The following JAM3 variants were observed in gnomAD, a reference collection of about 807,000 sequenced individuals.
JAM3 encodes the protein junctional adhesion molecule C.
Under a neutral mutation model 39.4 loss-of-function variants are expected in JAM3, and 31 were observed. The ratio of observed to expected loss-of-function variants is 0.79; its 90% CI spans 0.59 to 1.06. The LOEUF is 1.06. Among genes scored for constraint, JAM3 ranks in the 50% least tolerant of loss-of-function variants. The pLI is 0.00. For missense variants in JAM3, 455 were observed against 391.4 expected (o/e 1.16, Z -1.37); for synonymous variants, 182 against 148.7 (o/e 1.22, Z -1.63).
At chr11:134,116,687 A>T (rs1407191643) in intron 1 of JAM3, among the ~76,000 whole-genome samples, 3 of 151,110 alleles carry the variant, frequency 2.0e-5, no homozygotes, top group Non-Finnish European at 4.4e-5. Context: ...TATATGGGAA[A>T]CTAGACCTGG....
chr11:134,089,808 CT>C (rs1419625802), intron 1 of JAM3, among the ~76,000 whole-genome samples: 1 of 152,120 alleles, frequency 6.6e-6, no homozygotes, highest in Admixed American at 6.5e-5. Context: ...ATTTATAATC[CT>C]TTGGGTATAT....
chr11:134,146,394 C>T (rs1171685047), intron 6 of JAM3, among the ~76,000 whole-genome samples: 1 of 126,384 alleles, frequency 7.9e-6, no homozygotes, highest in Non-Finnish European at 1.6e-5. Context: ...AGTTATAACC[C>T]TCTTGTAGAA....
chr11:134,127,694 G>A (rs1042381757), intron 1 of JAM3, among the ~76,000 whole-genome samples: 3 of 152,122 alleles, frequency 2.0e-5, no homozygotes, highest in Non-Finnish European at 4.4e-5. Context: ...AGTGAGACTC[G>A]ATTTCAAAAC....
At chr11:134,086,320 CTTAG>C (rs1216638510) in intron 1 of JAM3, among the ~76,000 whole-genome samples, 6 of 152,146 alleles carry the variant, frequency 3.9e-5, no homozygotes, top group Admixed American at 2.0e-4. Flanking sequence ...CCCTTTATGG[CTTAG>C]TTAGATGAGA....
intron 1 of JAM3, among the ~76,000 whole-genome samples, chr11:134,097,124 C>T (rs1181707788): frequency 6.6e-6 from 1 of 152,104 alleles, no homozygotes; most frequent in Non-Finnish European, 1.5e-5. Flanking sequence ...ACCCCATCCC[C>T]CGCATCCCAT....
intron 1 of JAM3, among the ~76,000 whole-genome samples, chr11:134,095,849 A>G (rs1283861359): frequency 1.3e-5 from 2 of 152,220 alleles, no homozygotes; most frequent in Admixed American, 1.3e-4. Flanking sequence ...AAATGTTGTC[A>G]TCTAAGATTC....
chr11:134,117,606 T>G (rs1393619093), intron 1 of JAM3, among the ~76,000 whole-genome samples: 2 of 152,222 alleles, frequency 1.3e-5, no homozygotes, highest in South Asian at 2.1e-4. Flanking sequence ...AGCATATTTA[T>G]TTTTCCTTTA....
At chr11:134,140,400 G>A (rs564973169) in intron 2 of JAM3, among the ~76,000 whole-genome samples, 4 of 152,238 alleles carry the variant, frequency 2.6e-5, no homozygotes, top group Admixed American at 2.6e-4. Flanking sequence ...GTGAGCCACC[G>A]CGCCTGGCCA....
At chr11:134,107,828 A>G (rs568575252) in intron 1 of JAM3, among the ~76,000 whole-genome samples, 1 of 152,158 alleles carries the variant, frequency 6.6e-6, no homozygotes, top group South Asian at 2.1e-4. Context: ...ACGCCACGGC[A>G]CTCTGGCTAA....
At chr11:134,130,238 C>A (rs888181275) in intron 1 of JAM3, among the ~76,000 whole-genome samples, 2 of 152,152 alleles carry the variant, frequency 1.3e-5, no homozygotes, top group East Asian at 3.9e-4. Flanking sequence ...AATGAGAGCT[C>A]CGTTATCAAA....
intron 4 of JAM3, 34 bp downstream of exon 4, chr11:134,144,427 C>T (rs576404765): frequency 2.5e-6 from 4 of 1,611,548 alleles, no homozygotes; most frequent in African/African-American, 2.7e-5. Context: ...ACATTGCCAC[C>T]ATAGGATGCA....
chr11:134,119,837 C>A (rs1942500966), intron 1 of JAM3, among the ~76,000 whole-genome samples: 1 of 152,180 alleles, frequency 6.6e-6, no homozygotes, highest in Non-Finnish European at 1.5e-5. Context: ...TTCCATGATA[C>A]TTGGTTGGGT....
chr11:134,080,566 C>T (rs1463395751), intron 1 of JAM3, among the ~76,000 whole-genome samples: 1 of 152,216 alleles, frequency 6.6e-6, no homozygotes. Flanking sequence ...CACAAGCTCT[C>T]TTCTCTTGTC....
At chr11:134,114,036 GTTT>G (rs1555116352) in intron 1 of JAM3, among the ~76,000 whole-genome samples, 21 of 150,350 alleles carry the variant, frequency 1.4e-4, no homozygotes, top group African/African-American at 2.7e-4. Context: ...TTGTTGATGG[GTTT>G]GTTTGTTTTT....
chr11:134,142,867 G>C (rs978979685), intron 3 of JAM3, among the ~76,000 whole-genome samples: 1 of 152,116 alleles, frequency 6.6e-6, no homozygotes, highest in Non-Finnish European at 1.5e-5. Context: ...GTCTTCCATG[G>C]CTGACGTCTT....
intron 6 of JAM3, 162 bp from the exon 7 acceptor site, chr11:134,148,385 G>A: frequency 2.6e-6 from 2 of 777,500 alleles, no homozygotes; most frequent in Non-Finnish European, 4.4e-6. Context: ...ATATGTTCTA[G>A]GCTAGAAGGA....
intron 3 of JAM3, 76 bp from the exon 4 acceptor site, chr11:134,144,165 G>A: frequency 6.8e-7 from 1 of 1,471,858 alleles, no homozygotes; most frequent in East Asian, 2.3e-5. Context: ...TCTAGTGCTA[G>A]CCCCAGAAAC....
chr11:134,081,028 TG>T (rs543174525), intron 1 of JAM3, among the ~76,000 whole-genome samples: 203 of 152,358 alleles, frequency 1.3e-3, no homozygotes, highest in African/African-American at 4.7e-3. Flanking sequence ...GGTGGCATTT[TG>T]CCCCTGCCCT....
chr11:134,106,218 A>G (rs1942182620), intron 1 of JAM3, among the ~76,000 whole-genome samples: 1 of 152,142 alleles, frequency 6.6e-6, no homozygotes, highest in Non-Finnish European at 1.5e-5. Context: ...CTGATCTTTG[A>G]CAAACCTGAC....
Sources: gnomAD v4.1 joint callset for allele counts (sites outside exome capture counted in the v4.1 genomes callset) on GRCh38, gnomAD v4.1.1 for gene constraint, MANE v1.5 for transcripts, NCBI Gene and HGNC (gene_info 2026-07-23, HGNC 2026-07-21) for gene names.